Variants in VPS13B observed in about 807,000 individuals in gnomAD.
The protein encoded by VPS13B is vacuolar protein sorting 13 homolog B.
Under a neutral mutation model 426.4 loss-of-function variants are expected in VPS13B, and 285 were observed. The ratio of observed to expected loss-of-function variants is 0.67; its 90% CI spans 0.61 to 0.74. VPS13B has a LOEUF of 0.74. Ranked by LOEUF, VPS13B falls within the 30% of genes least tolerant of loss-of-function variation. The probability of loss-of-function intolerance (pLI) is 0.00; values close to 1 mark genes in which losing one functional copy is unlikely to be tolerated. For synonymous variants in VPS13B, 1,676 were observed against 1,676.4 expected (o/e 1.00, Z 0.01); for missense variants, 4,537 against 4,782.6 (o/e 0.95, Z 1.51).
intron 17 of VPS13B, among the ~76,000 whole-genome samples, chr8:99,261,539 T>C (rs1175525729): frequency 6.6e-6 from 1 of 152,128 alleles, no homozygotes; most frequent in Non-Finnish European, 1.5e-5. Context: ...TGTTTGCAGG[T>C]TTTTGTGTGG....
Position 99,809,486 on chromosome 8 carries a change from T to C in VPS13B, c.8053T>C (p.Ser2685Pro). ...AATTCAGTACAGGGGTCGAACTGCT[T>C]CTCTCATCATCAAGGTTCAGCAACT... is the stretch of plus-strand genomic sequence containing the variant. ...RTIQYRGRTA[S>P]LIIKVQQLNG... The change falls in exon 44 of 62, where the codon TCT becomes CCT. Residue 2685 changes from serine (S) to proline (P), a missense_variant. Ser to Pro is a moderately conservative substitution (Grantham distance 74, BLOSUM62 -1). Coordinates refer to ENST00000357162, the MANE Select transcript of VPS13B (RefSeq NM_152564.5). The C allele has an allele frequency of 6.2e-7, 1 of 1,614,014 alleles. No individual in the cohort carries two copies. The highest frequency in any genetic ancestry group is 1.7e-5 in the Admixed American group (1 of 60,014).
At chr8:99,181,274 C>A (rs575348492) in intron 16 of VPS13B, among the ~76,000 whole-genome samples, 1 of 152,078 alleles carries the variant, frequency 6.6e-6, no homozygotes. Flanking sequence ...GAAAAAAGGT[C>A]ACAGAACAGA....
intron 19 of VPS13B, among the ~76,000 whole-genome samples, chr8:99,354,456 C>T (rs1325563250): frequency 6.6e-6 from 1 of 150,886 alleles, no homozygotes; most frequent in East Asian, 1.9e-4. Flanking sequence ...GTTCATGTGC[C>T]TGGAATTTAT....
At chr8:99,593,314 A>G (rs1310874681) in intron 33 of VPS13B, among the ~76,000 whole-genome samples, 1 of 152,172 alleles carries the variant, frequency 6.6e-6, no homozygotes. Context: ...AAAAAAGCTC[A>G]GGATCACTGA....
chr8:99,628,788 T>C (rs1055531723), intron 33 of VPS13B, among the ~76,000 whole-genome samples: 3 of 151,868 alleles, frequency 2.0e-5, no homozygotes, highest in African/African-American at 7.3e-5. Flanking sequence ...TTTTTTTTTT[T>C]AAGGGGGCAG....
intron 39 of VPS13B, among the ~76,000 whole-genome samples, chr8:99,747,983 T>C (rs1025181983): frequency 1.3e-5 from 2 of 152,076 alleles, no homozygotes; most frequent in African/African-American, 4.8e-5. Flanking sequence ...ATCTGTGTTG[T>C]TGTCGTTTAT....
intron 19 of VPS13B, among the ~76,000 whole-genome samples, chr8:99,376,317 T>C (rs1813483433): frequency 6.6e-6 from 1 of 152,226 alleles, no homozygotes; most frequent in African/African-American, 2.4e-5. Flanking sequence ...GTGAATTGAG[T>C]ATATGATGAA....
chr8:99,707,774 T>A (rs959503656), intron 36 of VPS13B, among the ~76,000 whole-genome samples: 2 of 152,148 alleles, frequency 1.3e-5, no homozygotes, highest in Non-Finnish European at 2.9e-5. Flanking sequence ...AACTCCCTCA[T>A]TGAGTACAGA....
chr8:99,390,529 T>A (rs576783868), intron 20 of VPS13B, among the ~76,000 whole-genome samples: 1 of 152,236 alleles, frequency 6.6e-6, no homozygotes, highest in African/African-American at 2.4e-5. Context: ...TTCATTGAAA[T>A]ACTTTTTTAT....
In VPS13B at chr8:99,265,517, G is replaced by A. The variant is rs569600417; in HGVS notation, c.2516-8681G>A. ...GATAATTCCCCCCTTTTAGCATATG[G>A]TTGTATCTCATATTCCTTAGTTGAG... On this transcript the variant is annotated intron_variant, in intron 17 of 61. Coordinates refer to ENST00000357162, the MANE Select transcript of VPS13B (RefSeq NM_152564.5). Among the ~76,000 whole-genome samples the A allele has an allele frequency of 5.9e-5, 9 of 152,162 alleles. No individual in the cohort carries two copies. In the East Asian group the frequency reaches 1.7e-3, roughly 29 times the overall value.
At chr8:99,453,757 G>A (rs1184914265) in intron 23 of VPS13B, among the ~76,000 whole-genome samples, 1 of 152,002 alleles carries the variant, frequency 6.6e-6, no homozygotes, top group Non-Finnish European at 1.5e-5. Context: ...GAGTTTCATA[G>A]CAAAATTGAG....
chr8:99,448,066 C>T (rs139527304), intron 23 of VPS13B, among the ~76,000 whole-genome samples: 125 of 151,324 alleles, frequency 8.3e-4, no homozygotes, highest in African/African-American at 2.8e-3. Context: ...TTAGGAACTG[C>T]GGAAGTCTCC....
At chr8:99,193,293 A>G (rs1032288015) in intron 17 of VPS13B, among the ~76,000 whole-genome samples, 2 of 152,150 alleles carry the variant, frequency 1.3e-5, no homozygotes, top group African/African-American at 4.8e-5. Context: ...ATTTTTCACC[A>G]GCTTCTTGTA....
chr8:99,079,996 G>T (rs1446406922), intron 3 of VPS13B, among the ~76,000 whole-genome samples: 1 of 149,110 alleles, frequency 6.7e-6, no homozygotes, highest in Non-Finnish European at 1.5e-5. Flanking sequence ...TCTTAATAAT[G>T]TATCATATTA....
intron 17 of VPS13B, among the ~76,000 whole-genome samples, chr8:99,226,951 C>T (rs1384890150): frequency 6.6e-6 from 1 of 152,020 alleles, no homozygotes; most frequent in Non-Finnish European, 1.5e-5. Flanking sequence ...CTATTAGCCT[C>T]CCTACTCTGC....
intron 19 of VPS13B, among the ~76,000 whole-genome samples, chr8:99,335,227 G>T (rs146650535): frequency 0.073 from 11,019 of 151,876 alleles, 484 homozygotes; most frequent in African/African-American, 0.12. Flanking sequence ...ATTTTATTGC[G>T]TCTATTTGAT....
intron 16 of VPS13B, among the ~76,000 whole-genome samples, chr8:99,183,796 ATC>A (rs1425179524): frequency 6.6e-6 from 1 of 152,160 alleles, no homozygotes; most frequent in African/African-American, 2.4e-5. Context: ...CATAAAATTA[ATC>A]TGTTTTTAAG....
chr8:99,624,162 A>C (rs2133898590), intron 33 of VPS13B, among the ~76,000 whole-genome samples: 1 of 151,962 alleles, frequency 6.6e-6, no homozygotes, highest in South Asian at 2.1e-4. Flanking sequence ...GTTGGTAGCC[A>C]GTATAGGTTT....
At chr8:99,727,716 G>A (rs919147843) in intron 39 of VPS13B, among the ~76,000 whole-genome samples, 1 of 152,220 alleles carries the variant, frequency 6.6e-6, no homozygotes, top group Non-Finnish European at 1.5e-5. Context: ...GGAGTTACAA[G>A]ATGAGATTTG....
Sources: gnomAD v4.1 joint callset for allele counts (sites outside exome capture counted in the v4.1 genomes callset) on GRCh38, gnomAD v4.1.1 for gene constraint, MANE v1.5 for transcripts, NCBI Gene and HGNC (gene_info 2026-07-23, HGNC 2026-07-21) for gene names.